Variants in TXNRD1 observed in about 807,000 individuals in gnomAD.
The protein encoded by TXNRD1 is thioredoxin reductase 1.
Under a neutral mutation model 80.3 loss-of-function variants are expected in TXNRD1, and 57 were observed. The observed-to-expected ratio is 0.71, with a 90% CI of 0.57 to 0.89. TXNRD1 has a LOEUF of 0.89. TXNRD1 is among the 40% of genes least tolerant of loss of function. The probability of loss-of-function intolerance (pLI) is 0.00; values close to 1 mark genes in which losing one functional copy is unlikely to be tolerated. For missense variants in TXNRD1, 730 were observed against 803.0 expected (o/e 0.91, Z 1.10); for synonymous variants, 291 against 285.2 (o/e 1.02, Z -0.20).
intron 3 of TXNRD1, among the ~76,000 whole-genome samples, chr12:104,281,478 C>T (rs1320454952): frequency 7.0e-6 from 1 of 142,624 alleles, no homozygotes; most frequent in Non-Finnish European, 1.5e-5. Context: ...GGGATCTCGG[C>T]TCACTGCAAA....
chr12:104,226,062 G>A (rs1041763950), intron 1 of TXNRD1, among the ~76,000 whole-genome samples: 25 of 151,952 alleles, frequency 1.6e-4, no homozygotes, highest in African/African-American at 4.6e-4. Flanking sequence ...TTAGCTGGGC[G>A]TGTGGTGGGC....
At chr12:104,312,023 C>CAT (rs2035156101) in intron 5 of TXNRD1, among the ~76,000 whole-genome samples, 1 of 151,242 alleles carries the variant, frequency 6.6e-6, no homozygotes, top group Non-Finnish European at 1.5e-5. Context: ...TGTATATATA[C>CAT]ACACATATAT....
In TXNRD1 at chr12:104,326,403, A is replaced by T; in HGVS notation, c.1365A>T (p.Val455=). ...CAAGAAAAATTGGCTTAGAAACCGT[A>T]GGGGTGAAGATAAATGAAAAGTAAG... is the stretch of plus-strand genomic sequence containing the variant. ...ACTRKIGLET[V]GVKINEKTGK... is the part of the protein sequence containing the mutation. The change falls in exon 12 of 17, where the codon GTA becomes GTT. Residue 455 remains valine (V), a synonymous_variant. Coordinates refer to ENST00000525566, the MANE Select transcript of TXNRD1 (RefSeq NM_001093771.3). 6.3e-7 allele frequency: 1 copy of T among 1,577,902 alleles called. No homozygotes were observed.
At chr12:104,316,987 G>A (rs147768281) in intron 7 of TXNRD1, among the ~76,000 whole-genome samples, 1 of 152,240 alleles carries the variant, frequency 6.6e-6, no homozygotes, top group East Asian at 1.9e-4. Flanking sequence ...AACTAGTTAT[G>A]CTTCTCTTGT....
At chr12:104,283,308 A>G (rs1316011192) in intron 3 of TXNRD1, among the ~76,000 whole-genome samples, 1 of 151,896 alleles carries the variant, frequency 6.6e-6, no homozygotes, top group Admixed American at 6.6e-5. Context: ...CTGGAGTACA[A>G]TGGCATGATC....
chr12:104,347,378 A>G (rs1277938825), intron 16 of TXNRD1, among the ~76,000 whole-genome samples: 1 of 152,134 alleles, frequency 6.6e-6, no homozygotes, highest in African/African-American at 2.4e-5. Context: ...CCTTATTCAC[A>G]AGTATTTTTG....
At chr12:104,340,949 A>G (rs1008111343) in intron 16 of TXNRD1, among the ~76,000 whole-genome samples, 1 of 152,192 alleles carries the variant, frequency 6.6e-6, no homozygotes, top group African/African-American at 2.4e-5. Context: ...TGTCTTTTGT[A>G]TATGAGTGTC....
chr12:104,246,773 G>A (rs1359611033), intron 1 of TXNRD1, among the ~76,000 whole-genome samples: 1 of 151,724 alleles, frequency 6.6e-6, no homozygotes, highest in Non-Finnish European at 1.5e-5. Flanking sequence ...CGCCCGCCTC[G>A]GTCTCCCAAA....
At chr12:104,257,898 T>C in intron 2 of TXNRD1, 121 bp from the exon 3 acceptor site, 1 of 702,802 alleles carries the variant, frequency 1.4e-6, no homozygotes, top group East Asian at 2.8e-5. Flanking sequence ...TAAAAGTGAA[T>C]TGGAAAGTTT....
intron 3 of TXNRD1, among the ~76,000 whole-genome samples, chr12:104,259,610 GCCTC>G (rs2033323307): frequency 1.3e-5 from 2 of 150,416 alleles, no homozygotes; most frequent in South Asian, 4.2e-4. Flanking sequence ...TCCTGCCTCA[GCCTC>G]CTGAGTAGCT....
At chr12:104,249,287 C>T (rs1168212328) in intron 1 of TXNRD1, among the ~76,000 whole-genome samples, 1 of 152,156 alleles carries the variant, frequency 6.6e-6, no homozygotes, top group Non-Finnish European at 1.5e-5. Context: ...TAATCCCATT[C>T]TTGAGGGCTC....
At chr12:104,254,630 GAAAA>G (rs760022093) in intron 2 of TXNRD1, among the ~76,000 whole-genome samples, 13 of 17,296 alleles carry the variant, frequency 7.5e-4, no homozygotes, top group South Asian at 5.8e-3. Context: ...TATGTCTATG[GAAAA>G]AAAAAAAAAA....
At chr12:104,230,622 T>C (rs2032599339) in intron 1 of TXNRD1, among the ~76,000 whole-genome samples, 1 of 152,238 alleles carries the variant, frequency 6.6e-6, no homozygotes, top group South Asian at 2.1e-4. Flanking sequence ...TGGATAAATG[T>C]CTGTTCAAAG....
chr12:104,312,414 G>A lies in TXNRD1; in HGVS notation c.538-831G>A, dbSNP rs369715287. Among the ~76,000 whole-genome samples the A allele has an allele frequency of 2.0e-5, 3 of 152,192 alleles. No individual in the cohort carries two copies. The East Asian group carries it at 5.8e-4, about 29-fold the overall frequency. On this transcript the variant is annotated intron_variant, in intron 5 of 16. Transcript: ENST00000525566. Reference sequence around the variant, plus strand: ...GATGAAGTGGTTATAATTCCCTAAGGTATAGCTTGTGCTGAATCAGTAATG... The same window carrying A: ...GATGAAGTGGTTATAATTCCCTAAGATATAGCTTGTGCTGAATCAGTAATG...
At chr12:104,309,648 A>AC in intron 4 of TXNRD1, 1 of 662,050 alleles carries the variant, frequency 1.5e-6, no homozygotes, top group Non-Finnish European at 2.4e-6. Flanking sequence ...TAACTCTTAA[A>AC]CCAGGAAGTC....
At chr12:104,323,442 C>G (rs1362919305) in intron 10 of TXNRD1, among the ~76,000 whole-genome samples, 1 of 144,712 alleles carries the variant, frequency 6.9e-6, no homozygotes, top group South Asian at 2.2e-4. Context: ...GGCGGCTGGC[C>G]GGGCAGAGGG....
chr12:104,313,659 A>G (rs2035218919), intron 6 of TXNRD1, among the ~76,000 whole-genome samples: 1 of 152,158 alleles, frequency 6.6e-6, no homozygotes, highest in African/African-American at 2.4e-5. Flanking sequence ...TACATTCAAC[A>G]AGAGTTGGAA....
At chr12:104,301,519 AGTAGAGACGGG>A (rs1392884312) in intron 4 of TXNRD1, among the ~76,000 whole-genome samples, 1 of 152,058 alleles carries the variant, frequency 6.6e-6, no homozygotes, top group East Asian at 1.9e-4. Flanking sequence ...TTGTATTTTT[AGTAGAGACGGG>A]GTTTCACCGT....
At position 104,234,366 on chromosome 12, in the gene TXNRD1, C is replaced by T. The variant is rs948328270; in HGVS notation, c.92-17161C>T. ...CTGGAGTGCAGTGGCATGATCTCAG[C>T]TCACTGCAACCTCTGCCTCCTGGGT... On this transcript the variant is annotated intron_variant, in intron 1 of 16. Transcript: ENST00000525566. Among the ~76,000 whole-genome samples the T allele has an allele frequency of 6.6e-5, 10 of 152,286 alleles. No individual in the cohort carries two copies. The East Asian group carries it at 1.9e-3, about 29-fold the overall frequency.
Sources: gnomAD v4.1 joint callset for allele counts (sites outside exome capture counted in the v4.1 genomes callset) on GRCh38, gnomAD v4.1.1 for gene constraint, MANE v1.5 for transcripts, NCBI Gene and HGNC (gene_info 2026-07-23, HGNC 2026-07-21) for gene names.